Variants in TFB1M observed in about 807,000 individuals in gnomAD.
TFB1M encodes dimethyladenosine transferase 1, mitochondrial.
Under a neutral mutation model 31.1 loss-of-function variants are expected in TFB1M, and 27 were observed. That is an observed-to-expected ratio of 0.87 (90% CI 0.64 to 1.20). The LOEUF (loss-of-function observed/expected upper bound fraction) is 1.20. TFB1M is among the 50% of genes most tolerant of loss of function. TFB1M has a pLI of 0.00. For missense variants in TFB1M, 394 were observed against 418.7 expected (o/e 0.94, Z 0.51); for synonymous variants, 166 against 151.8 (o/e 1.09, Z -0.69).
intron 4 of TFB1M, among the ~76,000 whole-genome samples, chr6:155,295,150 A>C (rs1028713154): frequency 6.6e-6 from 1 of 152,100 alleles, no homozygotes; most frequent in African/African-American, 2.4e-5. Context: ...GTGGATCACG[A>C]GGTCAGGAGA....
intron 4 of TFB1M, among the ~76,000 whole-genome samples, chr6:155,288,167 C>G (rs966844638): frequency 2.0e-5 from 3 of 152,146 alleles, no homozygotes; most frequent in Non-Finnish European, 4.4e-5. Context: ...AAGAAACTTC[C>G]TATGGGCAAA....
chr6:155,234,464 C>G, the TFB1M span, among the ~76,000 whole-genome samples: 1 of 152,200 alleles, frequency 6.6e-6, no homozygotes, highest in Non-Finnish European at 1.5e-5. Context: ...AGATGGGTTT[C>G]CCTATGTTGT....
At chr6:155,261,518 A>AG (rs1784390713) in intron 5 of TFB1M, among the ~76,000 whole-genome samples, 1 of 152,216 alleles carries the variant, frequency 6.6e-6, no homozygotes, top group South Asian at 2.1e-4. Flanking sequence ...TGTTTCTTTT[A>AG]GGGTAGAAGG....
the TFB1M span, chr6:155,245,864 A>C: frequency 1.9e-6 from 1 of 528,872 alleles, no homozygotes; most frequent in Non-Finnish European, 3.2e-6. Context: ...TGACCTTGAC[A>C]GTGGCAAATA....
the TFB1M span, among the ~76,000 whole-genome samples, chr6:155,243,523 T>C: frequency 3.3e-5 from 5 of 152,082 alleles, no homozygotes; most frequent in Non-Finnish European, 7.4e-5. Context: ...TTGAATTAGG[T>C]GAGCAATAAT....
downstream of TFB1M, chr6:155,254,214 CTA>C: frequency 1.0e-6 from 1 of 979,642 alleles, no homozygotes; most frequent in Non-Finnish European, 1.5e-6. Flanking sequence ...TAGTAGGAGA[CTA>C]TGTTGATTAA....
chr6:155,275,899 G>T, intron 5 of TFB1M: 1 of 1,614,144 alleles, frequency 6.2e-7, no homozygotes, highest in Non-Finnish European at 8.5e-7. Context: ...ACAGCACTGG[G>T]ATGTTCAGCT....
At chr6:155,286,795 A>G (rs1372345450) in intron 4 of TFB1M, among the ~76,000 whole-genome samples, 1 of 151,614 alleles carries the variant, frequency 6.6e-6, no homozygotes, top group African/African-American at 2.4e-5. Context: ...TGGGCAACAG[A>G]GCAAGACGCC....
chr6:155,280,677 A>G (rs532744030), intron 5 of TFB1M, among the ~76,000 whole-genome samples: 1 of 152,216 alleles, frequency 6.6e-6, no homozygotes, highest in African/African-American at 2.4e-5. Context: ...ACCTCATACC[A>G]AAATGATTCT....
chr6:155,251,847 G>A (rs1394894154), downstream of TFB1M: 3 of 923,738 alleles, frequency 3.2e-6, no homozygotes, highest in Admixed American at 2.6e-5. Context: ...AGACTCATAC[G>A]TTTGGAGAGT....
chr6:155,254,246 G>A, downstream of TFB1M: 1 of 1,026,116 alleles, frequency 9.7e-7, no homozygotes, highest in Non-Finnish European at 1.4e-6. Context: ...AAAATCTTAA[G>A]AGTGATCAAT....
At chr6:155,253,104 A>G (rs868475326), downstream of TFB1M, 1 of 1,452,516 alleles carries the variant, frequency 6.9e-7, no homozygotes, top group Non-Finnish European at 9.6e-7. Context: ...AGTAGACTTA[A>G]CTGTGGAATG....
At chr6:155,281,040 T>C (rs538615510) in intron 5 of TFB1M, among the ~76,000 whole-genome samples, 1 of 152,354 alleles carries the variant, frequency 6.6e-6, no homozygotes, top group Admixed American at 6.5e-5. Flanking sequence ...AAAAATTAAA[T>C]ATAAATTCTA....
chr6:155,314,051 C>G (rs748668172), intron 1 of TFB1M: 5 of 1,387,402 alleles, frequency 3.6e-6, no homozygotes, highest in South Asian at 1.5e-5. Context: ...GGGAGCTTGG[C>G]ATTTATGCAG....
At chr6:155,303,186 G>A (rs905729091) in intron 2 of TFB1M, 5 of 152,206 alleles carry the variant, frequency 3.3e-5, no homozygotes, top group Admixed American at 2.6e-4. Context: ...GTATGCCAAC[G>A]ACACAACCTT....
chr6:155,264,146 G>C (rs1784517420), intron 5 of TFB1M: 1 of 152,072 alleles, frequency 6.6e-6, no homozygotes, highest in African/African-American at 2.4e-5. Context: ...TTCACTGTCG[G>C]GTAAAACAAC....
In TFB1M at chr6:155,298,473, TC is replaced by T. The variant is rs775242099; in HGVS notation, c.394+3del. 1 of 1,512,058 alleles carries T rather than the reference TC, an allele frequency of 6.6e-7. No homozygotes were observed. The highest frequency in any genetic ancestry group is 9.2e-7 in the Non-Finnish European group (1 of 1,087,262). 93.7% of individuals were successfully genotyped at this position (1,512,058 alleles called of 1,614,324 possible). A position where few individuals can be genotyped will look rare whatever the true frequency, so the allele number is the denominator to read the frequency against. ...ATGTTTTATAACTACCCAAAAGCAC[TC>T]ACCATCTTCCCAGGGTCTTTTAAGA... On this transcript the variant is annotated splice_donor_region_variant and intron_variant, in intron 3 of 6. Transcript: ENST00000367166.
intron 5 of TFB1M, 199 bp from the exon 6 acceptor site, chr6:155,260,599 C>T: frequency 3.0e-6 from 2 of 659,152 alleles, no homozygotes; most frequent in Non-Finnish European, 5.4e-6. Context: ...GAGAAATCAG[C>T]CGGCTGCACC....
downstream of TFB1M, chr6:155,254,423 A>G: frequency 1.9e-6 from 3 of 1,611,408 alleles, no homozygotes; most frequent in South Asian, 1.1e-5. Context: ...ACCCAGTGAC[A>G]GTGAAAGCAA....
Sources: allele counts gnomAD v4.1 joint callset (sites outside exome capture counted in the v4.1 genomes callset), GRCh38; gene constraint gnomAD v4.1.1; transcripts MANE v1.5; gene names NCBI Gene and HGNC (gene_info 2026-07-23, HGNC 2026-07-21).